Variants in PLXNA4 observed in about 807,000 individuals in gnomAD.
PLXNA4 encodes plexin A4, also known as plexin-A4.
Under a neutral mutation model 191.8 loss-of-function variants are expected in PLXNA4, and 44 were observed. The observed-to-expected ratio is 0.23, with a 90% confidence interval of 0.18 to 0.29. PLXNA4 has a LOEUF of 0.29. Ranked by LOEUF, PLXNA4 falls within the 10% of genes least tolerant of loss-of-function variation. The pLI is 1.00. For missense variants in PLXNA4, 1,800 were observed against 2,488.8 expected (o/e 0.72, Z 5.89); for synonymous variants, 1,082 against 1,009.5 (o/e 1.07, Z -1.36).
intron 10 of PLXNA4, among the ~76,000 whole-genome samples, chr7:132,204,146 C>T (rs1797534889): frequency 6.6e-6 from 1 of 151,566 alleles, no homozygotes; most frequent in Non-Finnish European, 1.5e-5. Context: ...TCCTGTTGTG[C>T]TCCTGTCCTC....
At chr7:132,306,189 A>C (rs1336574370) in intron 3 of PLXNA4, among the ~76,000 whole-genome samples, 1 of 152,186 alleles carries the variant, frequency 6.6e-6, no homozygotes, top group African/African-American at 2.4e-5. Flanking sequence ...TGCCAGAGCC[A>C]GAGTTAGGCC....
intron 3 of PLXNA4, among the ~76,000 whole-genome samples, chr7:132,463,494 T>C (rs1007035185): frequency 6.6e-6 from 1 of 152,156 alleles, no homozygotes; most frequent in African/African-American, 2.4e-5. Flanking sequence ...ATTTGACAGA[T>C]GAGGAAATTG....
chr7:132,311,650 T>C (rs576104559), intron 3 of PLXNA4, among the ~76,000 whole-genome samples: 4 of 152,128 alleles, frequency 2.6e-5, no homozygotes, highest in Admixed American at 6.6e-5. Flanking sequence ...CCACCCCTTA[T>C]TGAATCCTTC....
At chr7:132,268,749 C>T (rs558119817) in intron 4 of PLXNA4, among the ~76,000 whole-genome samples, 3 of 152,176 alleles carry the variant, frequency 2.0e-5, no homozygotes, top group South Asian at 2.1e-4. Flanking sequence ...TCTCAGCCCC[C>T]TTTTCTTGGA....
chr7:132,148,486 T>C (rs1424060760), intron 26 of PLXNA4, 57 bp downstream of exon 26: 8 of 1,606,520 alleles, frequency 5.0e-6, no homozygotes, highest in Non-Finnish European at 6.8e-6. Flanking sequence ...GGGCAATGAT[T>C]TCCAGGGCAA....
chr7:132,606,700 TG>T (rs1186075248), intron 2 of PLXNA4, among the ~76,000 whole-genome samples: 1 of 152,200 alleles, frequency 6.6e-6, no homozygotes, highest in African/African-American at 2.4e-5. Flanking sequence ...GCAATGGGGC[TG>T]GGCACAGTTT....
intron 3 of PLXNA4, among the ~76,000 whole-genome samples, chr7:132,401,985 A>T (rs1375249272): frequency 6.6e-6 from 1 of 152,124 alleles, no homozygotes; most frequent in Admixed American, 6.5e-5. Context: ...GTCATGGTTC[A>T]TGTCACTTTG....
chr7:132,419,656 C>T (rs1350712539), intron 3 of PLXNA4, among the ~76,000 whole-genome samples: 2 of 152,126 alleles, frequency 1.3e-5, no homozygotes, highest in Non-Finnish European at 2.9e-5. Flanking sequence ...TTCATGACTG[C>T]CTGCTGTGAC....
At chr7:132,171,942 T>C (rs1043887884) in intron 21 of PLXNA4, among the ~76,000 whole-genome samples, 4 of 152,222 alleles carry the variant, frequency 2.6e-5, no homozygotes, top group African/African-American at 9.6e-5. Context: ...TTTTATTACC[T>C]GCCTTTCAGA....
chr7:132,194,267 C>T (rs1349616874), intron 13 of PLXNA4, 88 bp from the exon 14 acceptor site: 4 of 1,490,534 alleles, frequency 2.7e-6, no homozygotes, highest in Non-Finnish European at 9.0e-7. Context: ...GTCCCTTTCT[C>T]CACAGTAGGA....
intron 4 of PLXNA4, among the ~76,000 whole-genome samples, chr7:132,244,084 C>T (rs1302459269): frequency 6.6e-6 from 1 of 152,142 alleles, no homozygotes; most frequent in Non-Finnish European, 1.5e-5. Flanking sequence ...TTAGGTGGGT[C>T]CATGTGAGAC....
chr7:132,493,902 G>A lies in PLXNA4; in HGVS notation c.1189-4428C>T, dbSNP rs375106685. ...AATCCCAACTCTGCCACTTAATCCT[G>A]TGTGACCTTGAGAAAGTCACTTAAC... On this transcript the variant is annotated intron_variant, in intron 2 of 31. Coordinates refer to ENST00000321063, the MANE Select transcript of PLXNA4 (RefSeq NM_020911.2). Among the ~76,000 whole-genome samples the A allele has an allele frequency of 2.0e-5, 3 of 152,200 alleles. No individual in the cohort carries two copies. The South Asian group carries it at 6.2e-4, about 32-fold the overall frequency.
chr7:132,560,191 C>T (rs1366943543), intron 1 of PLXNA4, among the ~76,000 whole-genome samples: 7 of 152,184 alleles, frequency 4.6e-5, no homozygotes, highest in Non-Finnish European at 1.5e-5. Flanking sequence ...CTAGACCACA[C>T]TGTTTTGAGC....
At chr7:132,165,310 C>T in intron 22 of PLXNA4, 110 bp from the exon 23 acceptor site, 1 of 1,438,350 alleles carries the variant, frequency 7.0e-7, no homozygotes, top group Non-Finnish European at 9.2e-7. Context: ...GATCTTGCTG[C>T]TTCTAGCGTT....
intron 3 of PLXNA4, among the ~76,000 whole-genome samples, chr7:132,381,481 A>G (rs1397793618): frequency 6.6e-6 from 1 of 152,252 alleles, no homozygotes; most frequent in Non-Finnish European, 1.5e-5. Context: ...AATATACTTA[A>G]GTGTGTAGTG....
chr7:132,284,032 T>C (rs181818862), intron 4 of PLXNA4, among the ~76,000 whole-genome samples: 130 of 152,162 alleles, frequency 8.5e-4, no homozygotes, highest in African/African-American at 2.9e-3. Flanking sequence ...AAATTTAGCT[T>C]AGAGAGAAAG....
chr7:132,217,652 G>A (rs1584858709), intron 9 of PLXNA4, among the ~76,000 whole-genome samples: 1 of 152,076 alleles, frequency 6.6e-6, no homozygotes, highest in Admixed American at 6.5e-5. Flanking sequence ...ATACAAAAAT[G>A]TAACGCATCA....
intron 2 of PLXNA4, among the ~76,000 whole-genome samples, chr7:132,588,324 T>C (rs1802539744): frequency 6.6e-6 from 1 of 151,978 alleles, no homozygotes; most frequent in Non-Finnish European, 1.5e-5. Flanking sequence ...ATCTCTCCCT[T>C]GGGAGAAATT....
chr7:132,275,538 A>T (rs1800242677), intron 4 of PLXNA4, among the ~76,000 whole-genome samples: 1 of 152,154 alleles, frequency 6.6e-6, no homozygotes, highest in South Asian at 2.1e-4. Flanking sequence ...GAAACCAAAA[A>T]CCACCCAAAC....
Sources: allele counts gnomAD v4.1 joint callset (sites outside exome capture counted in the v4.1 genomes callset), GRCh38; gene constraint gnomAD v4.1.1; transcripts MANE v1.5; gene names NCBI Gene and HGNC (gene_info 2026-07-23, HGNC 2026-07-21).